Variants in PLCE1 observed in about 807,000 individuals in gnomAD.
PLCE1 encodes the protein 1-phosphatidylinositol 4,5-bisphosphate phosphodiesterase epsilon-1.
In PLCE1, 119 loss-of-function variants were observed where a neutral mutation model predicts 242.8. That is an observed-to-expected ratio of 0.49 (90% CI 0.42 to 0.57). PLCE1 has a LOEUF of 0.57. Among genes scored for constraint, PLCE1 ranks in the 20% least tolerant of loss-of-function variants. The pLI is 0.00. For synonymous variants in PLCE1, 945 were observed against 1,017.4 expected, an observed-to-expected ratio of 0.93 and a Z score of 1.35; for missense variants, 2,441 against 2,788.8, an observed-to-expected ratio of 0.88 and a Z score of 2.81.
chr10:94,001,552 T>C (rs570186600), intron 1 of PLCE1, among the ~76,000 whole-genome samples: 35 of 152,158 alleles, frequency 2.3e-4, no homozygotes, highest in Non-Finnish European at 2.4e-4. Context: ...GTTTAAACTA[T>C]ATAATATTAC....
intron 13 of PLCE1, among the ~76,000 whole-genome samples, chr10:94,260,126 G>A (rs1432068241): frequency 1.3e-5 from 2 of 152,108 alleles, no homozygotes; most frequent in Non-Finnish European, 2.9e-5. Context: ...TGTCTGCTAG[G>A]TATGTGGTGT....
intron 2 of PLCE1, among the ~76,000 whole-genome samples, chr10:94,093,961 A>T (rs1201813512): frequency 4.4e-4 from 14 of 31,982 alleles, no homozygotes; most frequent in East Asian, 3.8e-3. Context: ...TTTTTTTTTG[A>T]GACGGAGTCT....
intron 4 of PLCE1, among the ~76,000 whole-genome samples, chr10:94,183,967 T>A (rs577813714): frequency 6.6e-6 from 1 of 152,126 alleles, no homozygotes; most frequent in African/African-American, 2.4e-5. Context: ...GGCCCCAACA[T>A]TGGGGATCAC....
At position 94,235,958 on chromosome 10, in the gene PLCE1, T is replaced by C; in HGVS notation, c.2258T>C (p.Val753Ala). ...YSGQDNFLQRVGQNGLKNSEK... is the reference protein window; with the variant it reads ...YSGQDNFLQRAGQNGLKNSEK... ...GGACAAGATAATTTCTTACAACGAG[T>C]GGGACAAAATGGCTTAAAGAATTCG... is the stretch of plus-strand genomic sequence containing the variant. Residue 753 changes from valine (V) to alanine (A), a missense_variant, in exon 7 of 33, where the codon GTG becomes GCG. Around this residue, in one of 5 missense-constraint regions of PLCE1, gnomAD observed 733 missense variants for 754.2 expected, o/e 0.97. Transcript: ENST00000371380. The C allele has an allele frequency of 6.2e-7, 1 of 1,614,004 alleles. No individual in the cohort carries two copies. The highest frequency in any genetic ancestry group is 8.5e-7 in the Non-Finnish European group (1 of 1,179,938).
At position 94,251,621 on chromosome 10, in the gene PLCE1, G is replaced by C. The variant is rs566400663; in HGVS notation, c.3097-695G>C. ...ATTGTTTAATTAATAGATCCCTGCT[G>C]TTACTTACAGGATGCTACACAGAGT... On this transcript the variant is annotated intron_variant, in intron 8 of 32. Coordinates refer to ENST00000371380, the MANE Select transcript of PLCE1 (RefSeq NM_016341.4). Among the ~76,000 whole-genome samples, 99 of 152,310 alleles carry C rather than the reference G, an allele frequency of 6.5e-4. No individual in the cohort carries two copies. Among genetic ancestry groups the C allele is most frequent in the Middle Eastern group, 6.8e-3 (2 of 294 alleles).
At chr10:94,204,752 A>AAGGC (rs2049097284) in intron 4 of PLCE1, among the ~76,000 whole-genome samples, 1 of 76,824 alleles carries the variant, frequency 1.3e-5, no homozygotes, top group Non-Finnish European at 2.9e-5. Context: ...GGGAGGGAGG[A>AAGGC]AGGAAGGAAG....
intron 19 of PLCE1, among the ~76,000 whole-genome samples, chr10:94,278,459 T>G (rs183403332): frequency 5.9e-5 from 9 of 152,344 alleles, no homozygotes; most frequent in African/African-American, 2.2e-4. Flanking sequence ...AAGAATTATT[T>G]ATGCTCAATT....
intron 2 of PLCE1, among the ~76,000 whole-genome samples, chr10:94,064,472 G>T (rs995538549): frequency 2.0e-5 from 3 of 152,136 alleles, no homozygotes; most frequent in African/African-American, 7.2e-5. Flanking sequence ...ATCACAGGAG[G>T]TAGAGGTTGC....
intron 1 of PLCE1, among the ~76,000 whole-genome samples, chr10:94,011,868 GT>G (rs933943897): frequency 1.3e-4 from 20 of 152,078 alleles, no homozygotes; most frequent in African/African-American, 4.8e-4. Context: ...TCTCCCTCTG[GT>G]TTTCCGCCTT....
At chr10:94,118,346 A>G (rs949471617) in intron 2 of PLCE1, among the ~76,000 whole-genome samples, 2 of 152,102 alleles carry the variant, frequency 1.3e-5, no homozygotes, top group Admixed American at 1.3e-4. Flanking sequence ...GAGCCCTCTG[A>G]AGGTCAAATA....
At chr10:94,272,200 TTA>T (rs1221495565) in intron 18 of PLCE1, among the ~76,000 whole-genome samples, 2 of 152,208 alleles carry the variant, frequency 1.3e-5, no homozygotes, top group African/African-American at 4.8e-5. Context: ...GTCTCAGTCC[TTA>T]TCTCAACTGC....
chr10:94,319,764 A>G (rs1000549420), intron 29 of PLCE1, among the ~76,000 whole-genome samples: 6 of 151,972 alleles, frequency 3.9e-5, no homozygotes, highest in East Asian at 1.9e-4. Flanking sequence ...AAAAAGGGAT[A>G]TAAGTGAGGG....
At chr10:94,024,230 C>T (rs1040927172) in intron 1 of PLCE1, among the ~76,000 whole-genome samples, 5 of 152,092 alleles carry the variant, frequency 3.3e-5, no homozygotes, top group Non-Finnish European at 5.9e-5. Context: ...AAATAACTGA[C>T]CAATGTTGGT....
chr10:94,024,728 T>C (rs184472539), intron 1 of PLCE1, among the ~76,000 whole-genome samples: 18 of 152,260 alleles, frequency 1.2e-4, no homozygotes, highest in Admixed American at 4.6e-4. Context: ...TTTTTCTAAC[T>C]TAACTATTCT....
intron 4 of PLCE1, among the ~76,000 whole-genome samples, chr10:94,179,350 G>A (rs962404052): frequency 6.6e-6 from 1 of 151,998 alleles, no homozygotes; most frequent in African/African-American, 2.4e-5. Context: ...CTCACCCAGA[G>A]TAACACGTAG....
intron 1 of PLCE1, among the ~76,000 whole-genome samples, chr10:94,015,735 A>G (rs577966972): frequency 6.6e-6 from 1 of 152,320 alleles, no homozygotes; most frequent in East Asian, 1.9e-4. Context: ...GGTTCAGGGA[A>G]TAGGGGGCTA....
At chr10:94,249,395 A>T (rs1343076269) in intron 8 of PLCE1, among the ~76,000 whole-genome samples, 1 of 151,328 alleles carries the variant, frequency 6.6e-6, no homozygotes, top group Non-Finnish European at 1.5e-5. Context: ...TACCTCTTAG[A>T]AAATTAAATT....
intron 20 of PLCE1, among the ~76,000 whole-genome samples, chr10:94,281,061 G>A (rs141252366): frequency 2.6e-5 from 4 of 152,234 alleles, no homozygotes; most frequent in Admixed American, 2.6e-4. Context: ...TAGTAAGAGG[G>A]GAAAAAATTA....
rs1483956804 is a variant in PLCE1 at position 94,331,501 on chromosome 10, AAAG to A, written c.*3563_*3565del. 8.5e-5 allele frequency: 13 copies of A among 152,320 alleles called. No individual in the cohort carries two copies. Among genetic ancestry groups the A allele is most frequent in the Admixed American group, 5.9e-4 (9 of 15,302 alleles). 9.4% of individuals were successfully genotyped at this position (152,320 alleles called of 1,614,324 possible). On this transcript the variant is annotated 3_prime_UTR_variant, in exon 33 of 33. Transcript: ENST00000371380. ...TCCACATCTATGCTCCCATGCTAGTAAAGAAGAGTAGGATTTTCCTGGCTGGTG... is the reference window on the plus strand; with the variant it reads ...TCCACATCTATGCTCCCATGCTAGTAAAGAGTAGGATTTTCCTGGCTGGTG...
Sources: gnomAD v4.1 joint callset for allele counts (sites outside exome capture counted in the v4.1 genomes callset) on GRCh38, gnomAD v4.1.1 for gene constraint, gnomAD v4.1.1 regional missense constraint, MANE v1.5 for transcripts, NCBI Gene and HGNC (gene_info 2026-07-23, HGNC 2026-07-21) for gene names.